Variants in RABGEF1 observed in about 807,000 individuals in gnomAD.
RABGEF1 encodes the protein rab5 GDP/GTP exchange factor.
RABGEF1 carries 26 observed loss-of-function variants against 57.3 expected under a neutral mutation model. The ratio of observed to expected loss-of-function variants is 0.45; its 90% CI spans 0.33 to 0.63. RABGEF1 has a LOEUF of 0.63. Among genes scored for constraint, RABGEF1 ranks in the 20% least tolerant of loss-of-function variants. The probability of loss-of-function intolerance (pLI) is 0.02; values close to 1 mark genes in which losing one functional copy is unlikely to be tolerated. For missense variants in RABGEF1, 464 were observed against 607.6 expected (o/e 0.76, Z 2.48); for synonymous variants, 185 against 210.7 (o/e 0.88, Z 1.06).
the RABGEF1 span, among the ~76,000 whole-genome samples, chr7:66,662,238 CAA>C: frequency 5.2e-4 from 46 of 88,106 alleles, no homozygotes; most frequent in Non-Finnish European, 4.9e-4. Context: ...GACTCCGTCT[CAA>C]AAAAAAAAAA....
At chr7:66,732,591 G>A (rs1046259458) in intron 2 of RABGEF1, among the ~76,000 whole-genome samples, 9 of 152,084 alleles carry the variant, frequency 5.9e-5, no homozygotes, top group South Asian at 2.1e-4. Flanking sequence ...GAAACCGACA[G>A]TCTCCCCAGA....
intron 1 of RABGEF1, among the ~76,000 whole-genome samples, chr7:66,742,462 ATGC>A (rs1276214472): frequency 1.3e-5 from 2 of 152,160 alleles, no homozygotes; most frequent in Non-Finnish European, 2.9e-5. Context: ...CATTTAGGCC[ATGC>A]TGTTGGGTGT....
At chr7:66,730,021 A>G (rs1004174530) in intron 2 of RABGEF1, among the ~76,000 whole-genome samples, 1 of 152,256 alleles carries the variant, frequency 6.6e-6, no homozygotes, top group Non-Finnish European at 1.5e-5. Flanking sequence ...GTAGGAGGGA[A>G]GAGCTGAAAG....
intron 2 of RABGEF1, among the ~76,000 whole-genome samples, chr7:66,719,157 A>G (rs774415224): frequency 2.0e-5 from 3 of 152,204 alleles, no homozygotes; most frequent in Non-Finnish European, 4.4e-5. Flanking sequence ...GGGAACGGCA[A>G]TTAACACCAA....
chr7:66,736,651 C>T (rs1206884062), upstream of RABGEF1, among the ~76,000 whole-genome samples: 2 of 151,880 alleles, frequency 1.3e-5, no homozygotes, highest in East Asian at 3.9e-4. Flanking sequence ...CTTGAGGCCA[C>T]GAGTTTGAGA....
At chr7:66,779,472 C>T (rs1809336825) in intron 3 of RABGEF1, among the ~76,000 whole-genome samples, 1 of 151,856 alleles carries the variant, frequency 6.6e-6, no homozygotes, top group Non-Finnish European at 1.5e-5. Context: ...CCATTGCACT[C>T]CAGCCTGGGC....
upstream of RABGEF1, among the ~76,000 whole-genome samples, chr7:66,737,073 TGA>T (rs1279802653): frequency 8.5e-6 from 1 of 117,092 alleles, no homozygotes. Context: ...AGAGAGAGAG[TGA>T]GAGAGAGAGA....
intron 1 of RABGEF1, chr7:66,755,765 A>C (rs1802557873): frequency 3.6e-6 from 1 of 280,204 alleles, no homozygotes; most frequent in Non-Finnish European, 6.7e-6. Context: ...GGAGAGCGTG[A>C]TCTAGTACAA....
chr7:66,758,633 C>G (rs1803385000), intron 1 of RABGEF1, among the ~76,000 whole-genome samples: 1 of 152,178 alleles, frequency 6.6e-6, no homozygotes, highest in African/African-American at 2.4e-5. Flanking sequence ...ATGTTTCTTC[C>G]TGTGTTTACA....
intron 1 of RABGEF1, among the ~76,000 whole-genome samples, chr7:66,752,682 T>C (rs1471878286): frequency 6.6e-6 from 1 of 152,192 alleles, no homozygotes. Context: ...TGGAAACTTG[T>C]TAAATTCGAA....
At chr7:66,734,347 C>T in intron 2 of RABGEF1, among the ~76,000 whole-genome samples, 1 of 152,162 alleles carries the variant, frequency 6.6e-6, no homozygotes, top group East Asian at 1.9e-4. Context: ...TAAGCTCTAC[C>T]ACCTCCTAGC....
At chr7:66,808,598 T>C (rs1006389395) in intron 8 of RABGEF1, among the ~76,000 whole-genome samples, 6 of 152,114 alleles carry the variant, frequency 3.9e-5, no homozygotes, top group Non-Finnish European at 8.8e-5. Flanking sequence ...GGGGACTATA[T>C]CCTGGGTGGG....
intron 2 of RABGEF1, among the ~76,000 whole-genome samples, chr7:66,715,805 T>A (rs1296818227): frequency 1.3e-5 from 2 of 152,096 alleles, no homozygotes; most frequent in African/African-American, 4.8e-5. Flanking sequence ...GTGCAGTGGC[T>A]ATTCCCAGCA....
chr7:66,780,187 T>C (rs1809556790), intron 3 of RABGEF1, among the ~76,000 whole-genome samples: 1 of 152,186 alleles, frequency 6.6e-6, no homozygotes, highest in South Asian at 2.1e-4. Context: ...GAGGAGTTGG[T>C]GTTCTTCTGA....
At chr7:66,775,842 T>A (rs1158597737) in intron 3 of RABGEF1, among the ~76,000 whole-genome samples, 1 of 152,084 alleles carries the variant, frequency 6.6e-6, no homozygotes, top group African/African-American at 2.4e-5. Flanking sequence ...GCTTGTGTCT[T>A]GAGGAAGTGT....
chr7:66,753,088 G>T (rs1019572370), intron 1 of RABGEF1, among the ~76,000 whole-genome samples: 39 of 152,320 alleles, frequency 2.6e-4, no homozygotes, highest in Admixed American at 6.5e-4. Flanking sequence ...CTACAGGAAC[G>T]GGAGAGAGAA....
intron 3 of RABGEF1, among the ~76,000 whole-genome samples, chr7:66,780,389 T>C (rs1172124361): frequency 6.6e-6 from 1 of 152,242 alleles, no homozygotes; most frequent in African/African-American, 2.4e-5. Context: ...TTTGTAAATA[T>C]TGTAAGTGTA....
At chr7:66,777,660 C>G (rs4718402) in intron 3 of RABGEF1, among the ~76,000 whole-genome samples, 5,564 of 152,110 alleles carry the variant, frequency 0.037, 160 homozygotes, top group East Asian at 0.085. Context: ...GCAGTGGCTT[C>G]TACCTACCTA....
At chr7:66,662,138 C>T in the RABGEF1 span, among the ~76,000 whole-genome samples, 4 of 151,868 alleles carry the variant, frequency 2.6e-5, no homozygotes, top group Admixed American at 2.0e-4. Context: ...ACTCAGGAGG[C>T]TGAGGCAGGA....
Sources: gnomAD v4.1 joint callset for allele counts (sites outside exome capture counted in the v4.1 genomes callset) on GRCh38, gnomAD v4.1.1 for gene constraint, MANE v1.5 for transcripts, NCBI Gene and HGNC (gene_info 2026-07-23, HGNC 2026-07-21) for gene names.